SLC39A12: variants seen among roughly 807,000 people sequenced by gnomAD.
SLC39A12 encodes solute carrier family 39 member 12, also known as zinc transporter ZIP12.
A neutral mutation model predicts 71.1 loss-of-function variants in SLC39A12; 63 were observed. That is an observed-to-expected ratio of 0.89 (90% CI 0.72 to 1.09). The LOEUF is 1.09. SLC39A12 is among the 50% of genes least tolerant of loss of function. The pLI, the probability that SLC39A12 is intolerant of heterozygous loss-of-function variation, is 0.00. For synonymous variants in SLC39A12, 351 were observed against 301.3 expected (o/e 1.16, Z -1.71); for missense variants, 892 against 812.6 (o/e 1.10, Z -1.19).
intron 10 of SLC39A12, 86 bp downstream of exon 10, chr10:17,995,808 A>G: frequency 8.3e-7 from 1 of 1,207,250 alleles, no homozygotes. Flanking sequence ...AAAACTATAT[A>G]GATATCATAT....
chr10:17,978,184 G>T (rs1835163964), intron 5 of SLC39A12, 110 bp downstream of exon 5: 2 of 873,212 alleles, frequency 2.3e-6, no homozygotes, highest in Admixed American at 6.3e-5. Context: ...GTATTATCTT[G>T]AAAAGTAAAA....
intron 4 of SLC39A12, among the ~76,000 whole-genome samples, chr10:17,976,261 GT>G (rs1835107020): frequency 6.6e-6 from 1 of 152,014 alleles, no homozygotes; most frequent in Admixed American, 6.6e-5. Flanking sequence ...GCCTCCTCCA[GT>G]TTTTTTCTGT....
chr10:17,986,766 G>A (rs560004758), intron 6 of SLC39A12, among the ~76,000 whole-genome samples: 21 of 152,296 alleles, frequency 1.4e-4, no homozygotes, highest in Middle Eastern at 3.4e-3. Flanking sequence ...CATCACTTTG[G>A]GAGGTGAAGC....
chr10:17,960,497 T>G (rs781864343), intron 2 of SLC39A12, among the ~76,000 whole-genome samples: 7 of 152,232 alleles, frequency 4.6e-5, no homozygotes, highest in Non-Finnish European at 1.0e-4. Flanking sequence ...GAGGGGCAGA[T>G]GGAAGTCATT....
chr10:17,977,350 C>G (rs1277710208), intron 4 of SLC39A12, among the ~76,000 whole-genome samples: 3 of 151,392 alleles, frequency 2.0e-5, no homozygotes, highest in Admixed American at 1.3e-4. Context: ...GTTGATAACA[C>G]TTAGGAAAAT....
At chr10:18,019,051 T>C (rs1394290662) in intron 12 of SLC39A12, among the ~76,000 whole-genome samples, 1 of 152,132 alleles carries the variant, frequency 6.6e-6, no homozygotes, top group Non-Finnish European at 1.5e-5. Context: ...TTATTGATTA[T>C]TAATTCAAAT....
intron 10 of SLC39A12, among the ~76,000 whole-genome samples, chr10:17,996,825 G>A (rs1042959610): frequency 2.0e-5 from 3 of 151,878 alleles, no homozygotes; most frequent in African/African-American, 7.3e-5. Flanking sequence ...GTGAAACCCC[G>A]TCTCTACTAA....
At chr10:17,954,686 T>C (rs1223421800) in intron 2 of SLC39A12, among the ~76,000 whole-genome samples, 1 of 152,020 alleles carries the variant, frequency 6.6e-6, no homozygotes, top group Non-Finnish European at 1.5e-5. Flanking sequence ...TACTCCACCA[T>C]CCCATTCCTG....
At chr10:18,004,888 G>A (rs1425367310) in intron 12 of SLC39A12, among the ~76,000 whole-genome samples, 1 of 152,148 alleles carries the variant, frequency 6.6e-6, no homozygotes, top group Non-Finnish European at 1.5e-5. Flanking sequence ...GGAATAATAC[G>A]CTGCCATAAG....
At position 18,042,908 on chromosome 10, in the gene SLC39A12, A is replaced by C; in HGVS notation, c.*75A>C. Reference sequence around the variant, plus strand: ...GTTTCTTTCATTGCACTCTATAATGATTTTTAAATTAAGAATTTTTTATCT... The same window carrying C: ...GTTTCTTTCATTGCACTCTATAATGCTTTTTAAATTAAGAATTTTTTATCT... On this transcript the variant is annotated 3_prime_UTR_variant, in exon 13 of 13. Transcript: ENST00000377369. 2.4e-6 allele frequency: 3 copies of C among 1,272,538 alleles called. No homozygotes were observed. Among genetic ancestry groups the C allele is most frequent in the Non-Finnish European group, 3.1e-6 (3 of 956,456 alleles). 78.8% of individuals were successfully genotyped at this position (1,272,538 alleles called of 1,614,324 possible).
intron 12 of SLC39A12, among the ~76,000 whole-genome samples, chr10:18,013,903 G>T (rs1305208475): frequency 6.6e-6 from 1 of 152,078 alleles, no homozygotes; most frequent in African/African-American, 2.4e-5. Context: ...GGAAATCTAA[G>T]ATCTCCAAAT....
intron 12 of SLC39A12, among the ~76,000 whole-genome samples, chr10:18,019,394 T>C (rs1170659699): frequency 6.6e-6 from 1 of 152,026 alleles, no homozygotes; most frequent in Non-Finnish European, 1.5e-5. Flanking sequence ...ATTTCATTGA[T>C]TTCTGCTCTT....
chr10:17,960,667 T>C (rs1834664829), intron 2 of SLC39A12, among the ~76,000 whole-genome samples: 1 of 152,176 alleles, frequency 6.6e-6, no homozygotes, highest in South Asian at 2.1e-4. Flanking sequence ...ATACGAGTGC[T>C]ATGAAGAAAA....
At position 17,977,916 on chromosome 10, in the gene SLC39A12, C is replaced by T; in HGVS notation, c.766C>T (p.Leu256Phe). The T allele has an allele frequency of 6.2e-7, 1 of 1,600,084 alleles. No homozygotes were observed. Among genetic ancestry groups the T allele is most frequent in the Non-Finnish European group, 8.5e-7 (1 of 1,175,502 alleles). ...TLRLSELDQL[L>F]NTLWTRSTCI... is the part of the protein sequence containing the mutation. ...GAAATTTCTAGAACTAGACCAACTC[C>T]TCAACACTCTCTGGACCAGAAGTAC... The change falls in exon 5 of 13, where the codon CTC becomes TTC. Residue 256 changes from leucine (L) to phenylalanine (F), a missense_variant. Coordinates refer to ENST00000377369, the MANE Select transcript of SLC39A12 (RefSeq NM_001145195.2).
chr10:18,034,500 G>T (rs1836940869), intron 12 of SLC39A12, among the ~76,000 whole-genome samples: 2 of 151,734 alleles, frequency 1.3e-5, no homozygotes, highest in Non-Finnish European at 2.9e-5. Context: ...CATTAGCTTG[G>T]TAGATCTTCC....
chr10:18,028,470 A>G (rs189042587), intron 12 of SLC39A12, among the ~76,000 whole-genome samples: 1 of 152,196 alleles, frequency 6.6e-6, no homozygotes, highest in Non-Finnish European at 1.5e-5. Flanking sequence ...TTTGCTTGTC[A>G]TGAGAGTCTG....
At chr10:17,953,099 T>A in intron 1 of SLC39A12, 92 bp from the exon 2 acceptor site, 1 of 766,936 alleles carries the variant, frequency 1.3e-6, no homozygotes, top group Non-Finnish European at 2.1e-6. Flanking sequence ...CAGCTTGTCA[T>A]TGCAAATCAG....
chr10:18,001,579 A>T (rs528156515), intron 11 of SLC39A12, among the ~76,000 whole-genome samples: 11 of 152,294 alleles, frequency 7.2e-5, no homozygotes, highest in African/African-American at 2.6e-4. Flanking sequence ...CTTATACAAA[A>T]TGTTTAAAGC....
chr10:17,975,698 C>G (rs1179644153), intron 4 of SLC39A12, among the ~76,000 whole-genome samples: 1 of 152,156 alleles, frequency 6.6e-6, no homozygotes, highest in Non-Finnish European at 1.5e-5. Flanking sequence ...GCCCCACTGT[C>G]GAAGTCCAGT....
Sources: gnomAD v4.1 joint callset for allele counts (sites outside exome capture counted in the v4.1 genomes callset) on GRCh38, gnomAD v4.1.1 for gene constraint, MANE v1.5 for transcripts, NCBI Gene and HGNC (gene_info 2026-07-23, HGNC 2026-07-21) for gene names.